Variants in CLIC4 observed in about 807,000 individuals in gnomAD.
The protein encoded by CLIC4 is CLIC family member 4.
Under a neutral mutation model 24.6 loss-of-function variants are expected in CLIC4, and 13 were observed. The ratio of observed to expected loss-of-function variants is 0.53; its 90% CI spans 0.34 to 0.84. CLIC4 has a LOEUF of 0.84. Ranked by LOEUF, CLIC4 falls within the 40% of genes least tolerant of loss-of-function variation. CLIC4 has a pLI of 0.01. For missense variants in CLIC4, 227 were observed against 301.7 expected (o/e 0.75, Z 1.83); for synonymous variants, 104 against 111.3 (o/e 0.93, Z 0.41).
intron 1 of CLIC4, among the ~76,000 whole-genome samples, chr1:24,782,852 G>C (rs1224880806): frequency 6.6e-6 from 1 of 152,030 alleles, no homozygotes; most frequent in Non-Finnish European, 1.5e-5. Context: ...AGTGATGTTT[G>C]CCTGTATTCC....
chr1:24,745,766 C>G, intron 1 of CLIC4, 141 bp downstream of exon 1: 1 of 591,122 alleles, frequency 1.7e-6, no homozygotes. Context: ...GCCCCCGGCC[C>G]ATTGTCTGGG....
At position 24,766,152 on chromosome 1, in the gene CLIC4, G is replaced by A. The variant is rs112298853; in HGVS notation, c.72+20527G>A. Among the ~76,000 whole-genome samples the A allele has an allele frequency of 4.4e-3, 675 of 151,844 alleles. 2 individuals are homozygous for A. Among genetic ancestry groups the A allele is most frequent in the Non-Finnish European group, 7.9e-3 (535 of 67,946 alleles). On this transcript the variant is annotated intron_variant, in intron 1 of 5. Coordinates refer to ENST00000374379, the MANE Select transcript of CLIC4 (RefSeq NM_013943.3). Reference sequence around the variant, plus strand: ...TTCCTGAGTAGTTGGGACTATAGACGTGCCACCACGCCCAGCTAATTTTTG... The same window carrying A: ...TTCCTGAGTAGTTGGGACTATAGACATGCCACCACGCCCAGCTAATTTTTG...
chr1:24,805,102 AAAACAC>A (rs1362712297), intron 2 of CLIC4, among the ~76,000 whole-genome samples: 14 of 140,132 alleles, frequency 1.0e-4, no homozygotes, highest in Admixed American at 2.9e-4. Context: ...AAAAAAAAAA[AAAACAC>A]AAAAACAAAG....
intron 1 of CLIC4, among the ~76,000 whole-genome samples, chr1:24,795,663 C>G (rs989529805): frequency 6.6e-6 from 1 of 152,134 alleles, no homozygotes; most frequent in South Asian, 2.1e-4. Flanking sequence ...CTCCACCTCC[C>G]GGGTTCAAGC....
At chr1:24,795,251 A>C (rs1439726663) in intron 1 of CLIC4, among the ~76,000 whole-genome samples, 1 of 152,182 alleles carries the variant, frequency 6.6e-6, no homozygotes. Flanking sequence ...GATTTGTACC[A>C]CTCTGATTTT....
chr1:24,763,364 A>ACC (rs956271036), intron 1 of CLIC4, among the ~76,000 whole-genome samples: 1 of 151,682 alleles, frequency 6.6e-6, no homozygotes, highest in African/African-American at 2.4e-5. Flanking sequence ...ATATGGAGAA[A>ACC]CCCCGTCTCT....
At chr1:24,825,039 CAA>C (rs58074741) in intron 3 of CLIC4, among the ~76,000 whole-genome samples, 4 of 141,226 alleles carry the variant, frequency 2.8e-5, no homozygotes, top group South Asian at 2.3e-4. Context: ...CACACACACA[CAA>C]AAGTACAAAA....
At chr1:24,751,654 G>C (rs112891055) in intron 1 of CLIC4, among the ~76,000 whole-genome samples, 2,786 of 152,120 alleles carry the variant, frequency 0.018, 36 homozygotes, top group Non-Finnish European at 0.029. Context: ...AATAGAGATG[G>C]GGTTTCTCCA....
intron 4 of CLIC4, among the ~76,000 whole-genome samples, chr1:24,837,577 A>G (rs996939664): frequency 6.6e-6 from 1 of 152,232 alleles, no homozygotes; most frequent in African/African-American, 2.4e-5. Context: ...ACCATACAAG[A>G]ACATCAAAAG....
At chr1:24,751,419 G>T (rs111695138) in intron 1 of CLIC4, among the ~76,000 whole-genome samples, 7,073 of 151,846 alleles carry the variant, frequency 0.047, 542 homozygotes, top group African/African-American at 0.16. Context: ...ATTTGTATTT[G>T]TAGTAGAGAC....
At chr1:24,770,307 GAA>G in intron 1 of CLIC4, among the ~76,000 whole-genome samples, 1 of 126,184 alleles carries the variant, frequency 7.9e-6, no homozygotes, top group Admixed American at 8.1e-5. Flanking sequence ...GAGGTTGGTA[GAA>G]AAAAAAAAAA....
At chr1:24,810,277 T>G (rs1639598475) in intron 2 of CLIC4, among the ~76,000 whole-genome samples, 1 of 152,232 alleles carries the variant, frequency 6.6e-6, no homozygotes, top group Admixed American at 6.5e-5. Context: ...AATTTCTACT[T>G]TTTATGTTTG....
intron 1 of CLIC4, among the ~76,000 whole-genome samples, chr1:24,764,811 A>C (rs1217146695): frequency 6.6e-6 from 1 of 152,140 alleles, no homozygotes; most frequent in Non-Finnish European, 1.5e-5. Flanking sequence ...GTTTTTATTT[A>C]CTTTGTGTTT....
At chr1:24,793,336 TGA>T (rs1439778418) in intron 1 of CLIC4, 1 of 152,206 alleles carries the variant, frequency 6.6e-6, no homozygotes, top group African/African-American at 2.4e-5. Flanking sequence ...TATAGTAGGA[TGA>T]GTTAGTGCTG....
chr1:24,750,816 T>C (rs1638764671), intron 1 of CLIC4, among the ~76,000 whole-genome samples: 1 of 152,138 alleles, frequency 6.6e-6, no homozygotes, highest in African/African-American at 2.4e-5. Flanking sequence ...GCAACAATCT[T>C]AGAACAATGT....
At chr1:24,758,754 C>T (rs1638884039) in intron 1 of CLIC4, among the ~76,000 whole-genome samples, 2 of 151,850 alleles carry the variant, frequency 1.3e-5, no homozygotes, top group Admixed American at 1.3e-4. Context: ...CCATCATGCC[C>T]GGCCCTTAGT....
intron 1 of CLIC4, among the ~76,000 whole-genome samples, chr1:24,781,133 AAT>A: frequency 8.7e-6 from 1 of 114,712 alleles, no homozygotes; most frequent in African/African-American, 3.3e-5. Context: ...CAGGTAACTG[AAT>A]TTTTTTTTTT....
At chr1:24,798,889 C>T (rs990990550) in intron 2 of CLIC4, among the ~76,000 whole-genome samples, 2 of 152,242 alleles carry the variant, frequency 1.3e-5, no homozygotes, top group African/African-American at 2.4e-5. Flanking sequence ...GCGAGTGATC[C>T]GCCAGCCTCG....
intron 1 of CLIC4, among the ~76,000 whole-genome samples, chr1:24,771,595 G>GT (rs144421034): frequency 0.019 from 2,912 of 152,106 alleles, 83 homozygotes; most frequent in African/African-American, 0.067. Flanking sequence ...ATTTATTAGT[G>GT]TTTTTTGGCA....
Sources: allele counts gnomAD v4.1 joint callset (sites outside exome capture counted in the v4.1 genomes callset), GRCh38; gene constraint gnomAD v4.1.1; transcripts MANE v1.5; gene names NCBI Gene and HGNC (gene_info 2026-07-23, HGNC 2026-07-21).